ZFAND6: variants seen among roughly 807,000 people sequenced by gnomAD.
ZFAND6 encodes the protein AN1-type zinc finger protein 6.
In ZFAND6, 12 loss-of-function variants were observed where a neutral mutation model predicts 24.5. The ratio of observed to expected loss-of-function variants is 0.49; its 90% CI spans 0.31 to 0.79. The LOEUF is 0.79. Ranked by LOEUF, ZFAND6 falls within the 30% of genes least tolerant of loss-of-function variation. The probability of loss-of-function intolerance (pLI) is 0.04; values close to 1 mark genes in which losing one functional copy is unlikely to be tolerated. For synonymous variants in ZFAND6, 92 were observed against 81.5 expected (o/e 1.13, Z -0.69); for missense variants, 207 against 245.9 (o/e 0.84, Z 1.06).
At chr15:80,074,641 T>C (rs1246317708) in intron 1 of ZFAND6, among the ~76,000 whole-genome samples, 3 of 151,936 alleles carry the variant, frequency 2.0e-5, no homozygotes, top group African/African-American at 7.2e-5. Context: ...TATCAGCATC[T>C]TTCCAGTATT....
intron 1 of ZFAND6, among the ~76,000 whole-genome samples, chr15:80,095,055 G>A (rs2038638485): frequency 6.6e-6 from 1 of 152,126 alleles, no homozygotes; most frequent in Admixed American, 6.5e-5. Context: ...TTATAGGCGT[G>A]AGCCCAATAA....
chr15:80,102,740 A>G (rs1460365483), intron 2 of ZFAND6, among the ~76,000 whole-genome samples: 2 of 152,162 alleles, frequency 1.3e-5, no homozygotes, highest in Admixed American at 1.3e-4. Flanking sequence ...AGCACTGATA[A>G]TCACTTTTAC....
upstream of ZFAND6, among the ~76,000 whole-genome samples, chr15:80,059,355 C>A (rs576751163): frequency 6.6e-6 from 1 of 152,258 alleles, no homozygotes; most frequent in East Asian, 1.9e-4. Flanking sequence ...CTCTTAATCG[C>A]CTTCCCGTAG....
intron 6 of ZFAND6, among the ~76,000 whole-genome samples, chr15:80,134,507 A>G (rs1378631963): frequency 6.6e-6 from 1 of 152,256 alleles, no homozygotes; most frequent in Non-Finnish European, 1.5e-5. Context: ...AGGGAACATC[A>G]TATCATTGAA....
chr15:80,124,368 G>A (rs1339729440), intron 5 of ZFAND6, among the ~76,000 whole-genome samples: 5 of 152,036 alleles, frequency 3.3e-5, no homozygotes, highest in African/African-American at 1.2e-4. Context: ...GGGAGGCGGA[G>A]CTTGCGGTGA....
intron 1 of ZFAND6, among the ~76,000 whole-genome samples, chr15:80,077,338 A>G (rs1248852305): frequency 6.6e-6 from 1 of 152,266 alleles, no homozygotes; most frequent in African/African-American, 2.4e-5. Context: ...AATGCAGACA[A>G]CATTACTTAC....
At chr15:80,093,746 T>G (rs2038537666) in intron 1 of ZFAND6, among the ~76,000 whole-genome samples, 1 of 152,194 alleles carries the variant, frequency 6.6e-6, no homozygotes, top group African/African-American at 2.4e-5. Flanking sequence ...AATAGTTAGA[T>G]AGATAACTTA....
chr15:80,062,790 A>G (rs2036402690), intron 1 of ZFAND6, among the ~76,000 whole-genome samples: 1 of 152,230 alleles, frequency 6.6e-6, no homozygotes, highest in African/African-American at 2.4e-5. Context: ...GCCACCTATA[A>G]CACCATGATA....
chr15:80,120,202 G>T, intron 2 of ZFAND6, 126 bp from the exon 3 acceptor site: 3 of 730,746 alleles, frequency 4.1e-6, no homozygotes, highest in East Asian at 3.2e-5. Flanking sequence ...CCTATGTCTT[G>T]GGACAGTTAT....
chr15:80,089,611 A>T (rs112905362), intron 1 of ZFAND6, among the ~76,000 whole-genome samples: 1,608 of 152,078 alleles, frequency 0.011, 26 homozygotes, highest in African/African-American at 0.033. Flanking sequence ...TGAAATGAAT[A>T]TGTAATCTCT....
At chr15:80,084,058 G>T (rs576798162) in intron 1 of ZFAND6, among the ~76,000 whole-genome samples, 2 of 152,168 alleles carry the variant, frequency 1.3e-5, no homozygotes, top group Non-Finnish European at 2.9e-5. Context: ...TCAAGATTGT[G>T]CAGCTAAGAA....
At chr15:80,106,872 A>G (rs565474419) in intron 2 of ZFAND6, among the ~76,000 whole-genome samples, 1 of 152,318 alleles carries the variant, frequency 6.6e-6, no homozygotes, top group Non-Finnish European at 1.5e-5. Context: ...ACGTATCTCA[A>G]AATAGGTGAA....
intron 2 of ZFAND6, among the ~76,000 whole-genome samples, chr15:80,115,826 A>C (rs1424544410): frequency 1.3e-5 from 2 of 152,034 alleles, no homozygotes; most frequent in South Asian, 2.1e-4. Context: ...CTTTAATCTT[A>C]ATGTTTTGAA....
intron 6 of ZFAND6, among the ~76,000 whole-genome samples, chr15:80,133,745 A>T (rs1334313604): frequency 1.3e-5 from 2 of 152,182 alleles, no homozygotes; most frequent in South Asian, 4.1e-4. Context: ...GCAGGAGGAG[A>T]TCGTCTAACT....
At chr15:80,111,986 A>G (rs537946934) in intron 2 of ZFAND6, among the ~76,000 whole-genome samples, 4 of 152,332 alleles carry the variant, frequency 2.6e-5, no homozygotes, top group African/African-American at 7.2e-5. Context: ...TAGGCCAGGC[A>G]TGGTGACTCA....
chr15:80,134,428 C>CT (rs1167829025), intron 6 of ZFAND6, among the ~76,000 whole-genome samples: 2 of 152,206 alleles, frequency 1.3e-5, no homozygotes, highest in African/African-American at 4.8e-5. Context: ...TCGTAAAGAC[C>CT]TTTCAGGCTC....
chr15:80,099,202 TTTAAGGTGTTAAAG>T (rs1301726848), intron 2 of ZFAND6, among the ~76,000 whole-genome samples: 10 of 151,902 alleles, frequency 6.6e-5, no homozygotes, highest in African/African-American at 2.4e-4. Context: ...TTTTCTTTCC[TTTAAGGTGTTAAAG>T]TTAACACCTT....
upstream of ZFAND6, among the ~76,000 whole-genome samples, chr15:80,058,981 CGCAGGTG>C (rs1199321012): frequency 1.3e-5 from 2 of 152,240 alleles, no homozygotes; most frequent in Non-Finnish European, 2.9e-5. Context: ...GCGTGCACCA[CGCAGGTG>C]GGAACTGACC....
intron 3 of ZFAND6, among the ~76,000 whole-genome samples, chr15:80,121,221 G>T (rs2040132255): frequency 6.6e-6 from 1 of 152,064 alleles, no homozygotes. Flanking sequence ...GTCTGTTTTT[G>T]TTCAAGCCAA....
Sources: allele counts gnomAD v4.1 joint callset (sites outside exome capture counted in the v4.1 genomes callset), GRCh38; gene constraint gnomAD v4.1.1; transcripts MANE v1.5; gene names NCBI Gene and HGNC (gene_info 2026-07-23, HGNC 2026-07-21).